The following MGAT4C variants were observed in gnomAD, a reference collection of about 807,000 sequenced individuals.
The protein encoded by MGAT4C is MGAT4 family member C, also known as alpha-1,3-mannosyl-glycoprotein 4-beta-N-acetylglucosaminyltransferase C.
A neutral mutation model predicts 40.1 loss-of-function variants in MGAT4C; 19 were observed. That is an observed-to-expected ratio of 0.47 (90% CI 0.33 to 0.70). MGAT4C has a LOEUF of 0.70. Among genes scored for constraint, MGAT4C ranks in the 30% least tolerant of loss-of-function variants. MGAT4C has a pLI of 0.02. For missense variants in MGAT4C, 491 were observed against 563.2 expected (o/e 0.87, Z 1.30); for synonymous variants, 181 against 187.1 (o/e 0.97, Z 0.27).
chr12:86,495,070 T>C (rs1030229221), intron 2 of MGAT4C, among the ~76,000 whole-genome samples: 7 of 152,080 alleles, frequency 4.6e-5, no homozygotes, highest in Non-Finnish European at 5.9e-5. Context: ...TCTAAGAATA[T>C]ACACTAAAGT....
chr12:86,298,675 A>G (rs753384006), intron 4 of MGAT4C, among the ~76,000 whole-genome samples: 1 of 152,174 alleles, frequency 6.6e-6, no homozygotes, highest in Non-Finnish European at 1.5e-5. Context: ...ATGAATTTTT[A>G]AAATTCTTAT....
intron 4 of MGAT4C, among the ~76,000 whole-genome samples, chr12:86,264,573 C>T (rs1275321944): frequency 6.6e-6 from 1 of 152,144 alleles, no homozygotes; most frequent in Non-Finnish European, 1.5e-5. Context: ...CCTCCTGCTT[C>T]CCAGGTGAAG....
intron 2 of MGAT4C, among the ~76,000 whole-genome samples, chr12:86,632,639 G>A (rs932191971): frequency 5.9e-5 from 9 of 151,694 alleles, no homozygotes; most frequent in African/African-American, 1.7e-4. Context: ...CCATCATTCT[G>A]AGCAAACTAT....
intron 2 of MGAT4C, among the ~76,000 whole-genome samples, chr12:86,709,730 A>T (rs1007231000): frequency 6.6e-6 from 1 of 152,222 alleles, no homozygotes; most frequent in South Asian, 2.1e-4. Flanking sequence ...TTTTAAAATA[A>T]GTATTTCTAA....
chr12:85,959,659 C>A lies in MGAT4C; in HGVS notation c.*19630G>T, dbSNP rs765603078. The stretch of plus-strand genomic sequence containing the variant: ...TTGTGTTGTAGTTTCTCAGAGCAAC[C>A]GCCGCTCATCTTTCACTCACCTTAA... On this transcript the variant is annotated 3_prime_UTR_variant, in exon 5 of 5. Coordinates refer to ENST00000611864, the MANE Select transcript of MGAT4C (RefSeq NM_001351288.2). 1 of 151,284 alleles carries A rather than the reference C, an allele frequency of 6.6e-6. No individual in the cohort carries two copies. The highest frequency in any genetic ancestry group is 1.5e-5 in the Non-Finnish European group (1 of 67,816). 9.4% of individuals were successfully genotyped at this position (151,284 alleles called of 1,614,324 possible).
At chr12:86,709,929 C>T (rs1011887948) in intron 2 of MGAT4C, among the ~76,000 whole-genome samples, 9 of 152,000 alleles carry the variant, frequency 5.9e-5, no homozygotes, top group East Asian at 1.9e-4. Context: ...CTTTGTTCTT[C>T]GAGTTGAGGC....
chr12:86,534,907 C>T (rs566445553), intron 2 of MGAT4C, among the ~76,000 whole-genome samples: 1 of 152,242 alleles, frequency 6.6e-6, no homozygotes, highest in South Asian at 2.1e-4. Context: ...GACTGAAATA[C>T]ACCTATTCAA....
Position 86,557,398 on chromosome 12 carries a change from T to A in MGAT4C, c.-228-122133A>T, listed in dbSNP as rs148787860. Among the ~76,000 whole-genome samples, 1,047 of 152,268 alleles carry A rather than the reference T, an allele frequency of 6.9e-3. 5 individuals are homozygous for A. The highest frequency in any genetic ancestry group is 0.011 in the Non-Finnish European group (743 of 68,002). ...AACCCTGCCAGTCACCAGTGATGCC[T>A]GCAGATAACATCTAGTGGTCTGAGG... On this transcript the variant is annotated intron_variant, in intron 2 of 7. Transcript: ENST00000548651.
chr12:86,763,488 T>A (rs895124853), intron 1 of MGAT4C, among the ~76,000 whole-genome samples: 1 of 152,218 alleles, frequency 6.6e-6, no homozygotes, highest in African/African-American at 2.4e-5. Flanking sequence ...TTATATTATG[T>A]ACTCAATTTA....
At chr12:86,453,158 T>C (rs766085800) in intron 2 of MGAT4C, among the ~76,000 whole-genome samples, 22 of 152,132 alleles carry the variant, frequency 1.4e-4, no homozygotes, top group Non-Finnish European at 2.5e-4. Context: ...ATTTAAATCA[T>C]AGTTAAGGAG....
At position 85,975,902 on chromosome 12, in the gene MGAT4C, A is replaced by C. The variant is rs1405858075; in HGVS notation, c.*3387T>G. 2 of 150,926 alleles carry C rather than the reference A, an allele frequency of 1.3e-5. No homozygotes were observed. The highest frequency in any genetic ancestry group is 4.8e-5 in the African/African-American group (2 of 41,322). 9.3% of individuals were successfully genotyped at this position (150,926 alleles called of 1,614,324 possible). ...TGTCAAGGAAAAAGAAGAGAATTAC[A>C]CACTGTTTCCTTCAATTGTTAGATG... On this transcript the variant is annotated 3_prime_UTR_variant, in exon 5 of 5. Transcript: ENST00000611864.
At chr12:86,428,093 A>C (rs1956964391) in intron 3 of MGAT4C, among the ~76,000 whole-genome samples, 1 of 152,110 alleles carries the variant, frequency 6.6e-6, no homozygotes, top group South Asian at 2.1e-4. Flanking sequence ...GTATAAAATC[A>C]TTGTCTCAAA....
intron 1 of MGAT4C, among the ~76,000 whole-genome samples, chr12:86,747,554 C>T (rs1951170132): frequency 6.6e-6 from 1 of 151,526 alleles, no homozygotes; most frequent in East Asian, 1.9e-4. Flanking sequence ...ATGAAAAATA[C>T]AATAGCATAT....
At chr12:86,690,330 G>C (rs1234376490) in intron 2 of MGAT4C, among the ~76,000 whole-genome samples, 1 of 152,154 alleles carries the variant, frequency 6.6e-6, no homozygotes, top group Non-Finnish European at 1.5e-5. Flanking sequence ...GAATGATTCT[G>C]TCTCACTGGC....
chr12:86,446,682 T>TATATATATATATATATATATAC (rs1957344986), intron 2 of MGAT4C, among the ~76,000 whole-genome samples: 33 of 113,448 alleles, frequency 2.9e-4, no homozygotes, highest in Non-Finnish European at 6.0e-4. Context: ...TATATATATA[T>TATATATATATATATATATATAC]ATATATATAT....
chr12:86,317,073 T>G (rs1466484088), intron 4 of MGAT4C, among the ~76,000 whole-genome samples: 1 of 151,948 alleles, frequency 6.6e-6, no homozygotes, highest in Non-Finnish European at 1.5e-5. Flanking sequence ...AACATAAGTA[T>G]ACAAGAAGAA....
Position 85,966,651 on chromosome 12 carries a change from A to G in MGAT4C, c.*12638T>C, listed in dbSNP as rs1317668734. The G allele has an allele frequency of 6.6e-6, 1 of 152,134 alleles. No homozygotes were observed. Among genetic ancestry groups the G allele is most frequent in the Non-Finnish European group, 1.5e-5 (1 of 68,036 alleles). 9.4% of individuals were successfully genotyped at this position (152,134 alleles called of 1,614,324 possible). ...ATAGCAAAGACTTGGAACCAATCCA[A>G]ATGTCCAACAATGATAGACTGGATT... On this transcript the variant is annotated 3_prime_UTR_variant, in exon 5 of 5. Coordinates refer to ENST00000611864, the MANE Select transcript of MGAT4C (RefSeq NM_001351288.2).
intron 2 of MGAT4C, among the ~76,000 whole-genome samples, chr12:86,632,906 TA>T (rs974076186): frequency 3.3e-5 from 5 of 152,122 alleles, no homozygotes; most frequent in African/African-American, 2.4e-5. Context: ...TAAAGTATAA[TA>T]AAAAAATTGG....
At chr12:86,581,262 A>T (rs1960767583) in intron 2 of MGAT4C, among the ~76,000 whole-genome samples, 1 of 151,410 alleles carries the variant, frequency 6.6e-6, no homozygotes, top group Admixed American at 6.6e-5. Context: ...GGTTGTTGAG[A>T]GACAGTTTTG....
Sources: gnomAD v4.1 joint callset for allele counts (sites outside exome capture counted in the v4.1 genomes callset) on GRCh38, gnomAD v4.1.1 for gene constraint, MANE v1.5 for transcripts, NCBI Gene and HGNC (gene_info 2026-07-23, HGNC 2026-07-21) for gene names.